The following CCNJ variants were observed in gnomAD, a reference collection of about 807,000 sequenced individuals.
CCNJ encodes the protein cyclin J.
CCNJ carries 12 observed loss-of-function variants against 41.4 expected under a neutral mutation model. The observed-to-expected ratio is 0.29, with a 90% confidence interval of 0.19 to 0.47. The LOEUF (loss-of-function observed/expected upper bound fraction) is 0.47. Ranked by LOEUF, CCNJ falls within the 20% of genes least tolerant of loss-of-function variation. CCNJ has a pLI of 1.00. For missense variants in CCNJ, 340 were observed against 464.6 expected (o/e 0.73, Z 2.47); for synonymous variants, 161 against 173.4 (o/e 0.93, Z 0.56).
rs1366370874 is a variant in CCNJ, at chr10:96,060,138, G to C, written c.*1897G>C. The C allele has an allele frequency of 1.3e-5, 2 of 152,548 alleles. No individual in the cohort carries two copies. Among genetic ancestry groups the C allele is most frequent in the African/African-American group, 4.8e-5 (2 of 41,428 alleles). The allele number at this position is 152,548 out of a possible 1,614,324, so 9.4% of individuals were successfully genotyped here. On this transcript the variant is annotated 3_prime_UTR_variant, in exon 6 of 6. Coordinates refer to ENST00000465148, the MANE Select transcript of CCNJ (RefSeq NM_001134375.2). ...AACTTGAATTATTTGGGGGAAAGTA[G>C]GCTCAAAAGAGAATATATCTTTCAC...
intron 2 of CCNJ, among the ~76,000 whole-genome samples, chr10:96,048,274 A>T (rs1300247873): frequency 6.6e-6 from 1 of 152,118 alleles, no homozygotes; most frequent in East Asian, 1.9e-4. Context: ...TAGTAGAATG[A>T]TTTATATTCC....
At chr10:96,057,333 C>T in intron 5 of CCNJ, 86 bp downstream of exon 5, 1 of 1,147,292 alleles carries the variant, frequency 8.7e-7, no homozygotes, top group South Asian at 1.4e-5. Context: ...TTCTGAAAGG[C>T]ACAGAGTTCC....
chr10:96,049,475 CTT>C (rs1273299002), intron 2 of CCNJ, among the ~76,000 whole-genome samples: 1 of 112,664 alleles, frequency 8.9e-6, no homozygotes, highest in African/African-American at 3.6e-5. Context: ...TTTTCTTTTT[CTT>C]TTTCTTTTTT....
Position 96,058,565 on chromosome 10 carries a change from C to T in CCNJ, c.*324C>T. ...TCAATTTGCCATTTTGAGATTTGAC[C>T]TGTGGTAGCATCTGGGCCTAATGTT... On this transcript the variant is annotated 3_prime_UTR_variant, in exon 6 of 6. Coordinates refer to ENST00000465148, the MANE Select transcript of CCNJ (RefSeq NM_001134375.2). 2.2e-6 allele frequency: 1 copy of T among 453,252 alleles called. No homozygotes were observed. The highest frequency in any genetic ancestry group is 3.9e-6 in the Non-Finnish European group (1 of 257,392). The allele number at this position is 453,252 out of a possible 1,614,324, so 28.1% of individuals were successfully genotyped here.
intron 2 of CCNJ, among the ~76,000 whole-genome samples, chr10:96,048,724 C>A (rs2080434808): frequency 6.6e-6 from 1 of 152,204 alleles, no homozygotes; most frequent in South Asian, 2.1e-4. Context: ...ATTTAGCATA[C>A]TGTCTCCAAG....
intron 2 of CCNJ, among the ~76,000 whole-genome samples, chr10:96,047,466 A>G (rs997302016): frequency 3.3e-5 from 5 of 152,122 alleles, no homozygotes; most frequent in African/African-American, 1.2e-4. Context: ...TGGGCAACAT[A>G]GCGAGACCCT....
At chr10:96,054,518 C>A (rs2080624836) in intron 3 of CCNJ, among the ~76,000 whole-genome samples, 1 of 152,166 alleles carries the variant, frequency 6.6e-6, no homozygotes, top group African/African-American at 2.4e-5. Flanking sequence ...CTTAACTTTG[C>A]AAGATCAATA....
chr10:96,051,727 G>GT (rs544536213), intron 3 of CCNJ, among the ~76,000 whole-genome samples: 73 of 152,258 alleles, frequency 4.8e-4, no homozygotes, highest in African/African-American at 1.7e-3. Flanking sequence ...GTCCTATGTA[G>GT]TATCATTTCT....
chr10:96,047,834 T>A (rs1382350472), intron 2 of CCNJ, among the ~76,000 whole-genome samples: 1 of 152,164 alleles, frequency 6.6e-6, no homozygotes, highest in Non-Finnish European at 1.5e-5. Flanking sequence ...GTTTGTTACA[T>A]AGGTAAACGT....
chr10:96,052,530 T>C (rs904706081), intron 3 of CCNJ, among the ~76,000 whole-genome samples: 3 of 152,214 alleles, frequency 2.0e-5, no homozygotes, highest in Non-Finnish European at 4.4e-5. Context: ...TGTACCATCT[T>C]AGGTTGGTTG....
Position 96,057,894 on chromosome 10 carries a change from C to A in CCNJ, c.805C>A (p.Gln269Lys). 5.6e-6 allele frequency: 9 copies of A among 1,614,170 alleles called. No individual in the cohort carries two copies. The highest frequency in any genetic ancestry group is 7.6e-6 in the Non-Finnish European group (9 of 1,180,008). ...QRGQAGPQSAQLSVFQTASQP... is the reference protein window; with the variant it reads ...QRGQAGPQSAKLSVFQTASQP... ...AGGGCAAGCAGGACCTCAGTCAGCG[C>A]AACTAAGTGTATTCCAGACAGCCTC... Residue 269 changes from glutamine to lysine, a missense_variant, in exon 6 of 6, where the codon CAA becomes AAA. Gln to Lys is a moderately conservative substitution (Grantham distance 53). Coordinates refer to ENST00000465148, the MANE Select transcript of CCNJ (RefSeq NM_001134375.2).
chr10:96,057,367 G>A, intron 5 of CCNJ, 120 bp downstream of exon 5: 1 of 808,306 alleles, frequency 1.2e-6, no homozygotes, highest in South Asian at 1.7e-5. Context: ...TTTGGCAGCA[G>A]TTACTTGCTG....
intron 2 of CCNJ, among the ~76,000 whole-genome samples, chr10:96,047,739 CTTT>C (rs1381740419): frequency 9.8e-5 from 15 of 152,294 alleles, no homozygotes; most frequent in African/African-American, 3.6e-4. Flanking sequence ...TATAACTTCC[CTTT>C]TTTGTTTATC....
At chr10:96,050,187 GT>G (rs1195681959) in intron 2 of CCNJ, 68 bp from the exon 3 acceptor site, 1 of 1,022,058 alleles carries the variant, frequency 9.8e-7, no homozygotes, top group African/African-American at 1.6e-5. Context: ...GAAAAACAAT[GT>G]TAAGTCATTG....
In CCNJ at chr10:96,056,707, T is replaced by A; in HGVS notation, c.287T>A (p.Phe96Tyr). 2 of 1,585,850 alleles carry A rather than the reference T, an allele frequency of 1.3e-6. No homozygotes were observed. The highest frequency in any genetic ancestry group is 1.7e-6 in the Non-Finnish European group (2 of 1,168,512). ...ALSCLLLASKFEEKEDSVPKL... is the reference protein window; with the variant it reads ...ALSCLLLASKYEEKEDSVPKL... ...CATCCCCTTTTCTTATAAGGTAAAT[T>A]TGAAGAAAAAGAAGACAGTGTGCCT... Residue 96 changes from phenylalanine to tyrosine, a missense_variant, in exon 4 of 6, where the codon TTT becomes TAT. Phe to Tyr is a conservative substitution (Grantham distance 22). Transcript: ENST00000465148.
rs140066676 is a variant in CCNJ at position 96,058,102 on chromosome 10, G to A, written c.1013G>A (p.Gly338Asp). The A allele has an allele frequency of 1.2e-6, 2 of 1,614,182 alleles. No homozygotes were observed. The highest frequency in any genetic ancestry group is 1.7e-6 in the Non-Finnish European group (2 of 1,180,038). The change falls in exon 6 of 6, where the codon GGC becomes GAC. Residue 338 changes from glycine (G) to aspartate (D), a missense_variant. Gly to Asp is a moderately conservative substitution (Grantham distance 94). This residue lies in a region of CCNJ where 159 missense variants were observed against 168.2 expected (regional missense o/e 0.95). Coordinates refer to ENST00000465148, the MANE Select transcript of CCNJ (RefSeq NM_001134375.2). ...CPAGFQTSVQ[G>D]LGHMQTGVGM... is the part of the protein sequence containing the mutation. The stretch of plus-strand genomic sequence containing the variant: ...GCTGGCTTCCAAACTAGTGTTCAGG[G>A]CCTTGGGCACATGCAGACTGGTGTT...
chr10:96,054,528 A>C (rs1256360697), intron 3 of CCNJ, among the ~76,000 whole-genome samples: 1 of 152,264 alleles, frequency 6.6e-6, no homozygotes, highest in African/African-American at 2.4e-5. Flanking sequence ...CAAGATCAAT[A>C]TGCAAAGTCT....
intron 3 of CCNJ, among the ~76,000 whole-genome samples, chr10:96,055,504 T>G (rs2080657481): frequency 6.6e-6 from 1 of 152,218 alleles, no homozygotes; most frequent in African/African-American, 2.4e-5. Flanking sequence ...AGTTTGTAAA[T>G]GTTCTCCAGC....
At chr10:96,046,042 T>C (rs2080353681) in intron 2 of CCNJ, among the ~76,000 whole-genome samples, 1 of 138,330 alleles carries the variant, frequency 7.2e-6, no homozygotes, top group Non-Finnish European at 1.6e-5. Context: ...AGTGATTATC[T>C]GCATTTTGTC....
Sources: gnomAD v4.1 joint callset for allele counts (sites outside exome capture counted in the v4.1 genomes callset) on GRCh38, gnomAD v4.1.1 for gene constraint, gnomAD v4.1.1 regional missense constraint, MANE v1.5 for transcripts, NCBI Gene and HGNC (gene_info 2026-07-23, HGNC 2026-07-21) for gene names.